C5: variants seen among roughly 807,000 people sequenced by gnomAD.
The protein encoded by C5 is complement C5.
Under a neutral mutation model 218.8 loss-of-function variants are expected in C5, and 140 were observed. That is an observed-to-expected ratio of 0.64 (90% confidence interval 0.56 to 0.74). The LOEUF (loss-of-function observed/expected upper bound fraction) is 0.74. Among genes scored for constraint, C5 ranks in the 30% least tolerant of loss-of-function variants. The pLI, the probability that C5 is intolerant of heterozygous loss-of-function variation, is 0.00. For synonymous variants in C5, 614 were observed against 682.3 expected (o/e 0.90, Z 1.56); for missense variants, 1,700 against 1,969.6 (o/e 0.86, Z 2.59).
At chr9:121,069,250 A>G in the C5 span, among the ~76,000 whole-genome samples, 1 of 152,346 alleles carries the variant, frequency 6.6e-6, no homozygotes, top group Admixed American at 6.5e-5. Context: ...AACTATTCAT[A>G]TAACAGGGAA....
At chr9:120,989,364 C>T (rs756737785) in intron 24 of C5, among the ~76,000 whole-genome samples, 2 of 152,126 alleles carry the variant, frequency 1.3e-5, no homozygotes, top group Non-Finnish European at 1.5e-5. Flanking sequence ...AATGCAGGTG[C>T]CTTGCCTCTC....
intron 22 of C5, 28 bp downstream of exon 22, chr9:120,996,212 A>T: frequency 6.7e-7 from 1 of 1,486,574 alleles, no homozygotes; most frequent in Non-Finnish European, 9.4e-7. Context: ...AAAAGATAAC[A>T]TATAAAATAA....
the C5 span, among the ~76,000 whole-genome samples, chr9:121,072,363 G>A: frequency 2.2e-4 from 34 of 152,260 alleles, no homozygotes; most frequent in East Asian, 6.4e-3. Context: ...CAGACTTTGA[G>A]GGACACAGCA....
At chr9:120,957,145 C>T (rs1177664892) in intron 39 of C5, 140 bp downstream of exon 39, 5 of 654,280 alleles carry the variant, frequency 7.6e-6, no homozygotes, top group African/African-American at 7.2e-5. Context: ...ATGTTTCTCC[C>T]CAAGTAGAAT....
At chr9:120,984,216 TG>T (rs201724842) in intron 25 of C5, among the ~76,000 whole-genome samples, 1,611 of 147,306 alleles carry the variant, frequency 0.011, 42 homozygotes, top group Admixed American at 0.056. Flanking sequence ...ATTTTTTTTT[TG>T]ATATTAATCG....
intron 26 of C5, 35 bp from the exon 27 acceptor site, chr9:120,981,974 A>G (rs41260544): frequency 0.083 from 119,827 of 1,440,842 alleles, 5,566 homozygotes; most frequent in Non-Finnish European, 0.094. Flanking sequence ...GGGGAGTGAA[A>G]TGGTGTCTTT....
chr9:120,990,670 C>G (rs1034072472), intron 23 of C5, among the ~76,000 whole-genome samples: 1 of 152,168 alleles, frequency 6.6e-6, no homozygotes, highest in Non-Finnish European at 1.5e-5. Context: ...TGCCAAACAC[C>G]CAATCTCTTG....
chr9:120,989,642 G>T lies in C5; in HGVS notation c.3080C>A (p.Thr1027Lys), dbSNP rs1040638839. The part of the protein sequence containing the change: ...PVFYVFHYLE[T>K]GNHWNIFHSD... ...ATGAAAAATGTTCCAATGATTTCCT[G>T]TTTCCAGGTAGTGAAAAACATAGAA... Residue 1027 changes from threonine (T) to lysine (K), a missense_variant, in exon 24 of 41, where the codon ACA (threonine) becomes AAA (lysine). Coordinates refer to ENST00000223642, the MANE Select transcript of C5 (RefSeq NM_001735.3). The T allele has an allele frequency of 5.6e-6, 9 of 1,612,718 alleles. No homozygotes were observed. Among genetic ancestry groups the T allele is most frequent in the Non-Finnish European group, 7.6e-6 (9 of 1,179,594 alleles).
chr9:120,988,300 T>C (rs1425758018), intron 25 of C5, among the ~76,000 whole-genome samples: 1 of 152,198 alleles, frequency 6.6e-6, no homozygotes, highest in Non-Finnish European at 1.5e-5. Flanking sequence ...AATAGTGGAA[T>C]AAGCAAGAAC....
intron 4 of C5, among the ~76,000 whole-genome samples, chr9:121,035,900 G>T (rs986550255): frequency 5.3e-5 from 8 of 151,936 alleles, no homozygotes; most frequent in African/African-American, 1.7e-4. Context: ...TGTTTAAAGA[G>T]TTAGCAGGGT....
Position 120,969,088 on chromosome 9 carries a change from T to C in C5, c.4193A>G (p.Asp1398Gly), listed in dbSNP as rs1479714196. Residue 1398 changes from aspartate (D) to glycine (G), a missense_variant, in exon 33 of 41, where the codon GAT (aspartate) becomes GGT (glycine). Asp to Gly is a moderately conservative substitution (Grantham distance 94). Coordinates refer to ENST00000223642, the MANE Select transcript of C5 (RefSeq NM_001735.3). ...ASHYRGYGNSDYKRIVACASY... is the reference protein window; with the variant it reads ...ASHYRGYGNSGYKRIVACASY... Reference sequence around the variant, plus strand: ...GGCACATGCTACTATGCGTTTGTAATCAGAGTTTCCGTAGCCTCTGTAGTG... The same window carrying C: ...GGCACATGCTACTATGCGTTTGTAACCAGAGTTTCCGTAGCCTCTGTAGTG... 6.2e-7 allele frequency: 1 copy of C among 1,614,062 alleles called. No homozygotes were observed. Among genetic ancestry groups the C allele is most frequent in the African/African-American group, 1.3e-5 (1 of 75,050 alleles).
At chr9:121,048,635 C>A (rs2047648244) in intron 1 of C5, among the ~76,000 whole-genome samples, 1 of 152,144 alleles carries the variant, frequency 6.6e-6, no homozygotes, top group African/African-American at 2.4e-5. Context: ...TGTTTAGAAG[C>A]CCCTAAAAGA....
chr9:121,052,665 G>A (rs2047678582), upstream of C5, among the ~76,000 whole-genome samples: 1 of 151,858 alleles, frequency 6.6e-6, no homozygotes. Context: ...AGTGCACCAG[G>A]CCCCTCTTGA....
chr9:120,955,429 A>G (rs1176039830), intron 39 of C5, among the ~76,000 whole-genome samples: 1 of 152,248 alleles, frequency 6.6e-6, no homozygotes, highest in Non-Finnish European at 1.5e-5. Context: ...TGCAAGAATC[A>G]GTATCAAATA....
chr9:121,061,826 A>G, the C5 span, among the ~76,000 whole-genome samples: 1 of 152,216 alleles, frequency 6.6e-6, no homozygotes, highest in Non-Finnish European at 1.5e-5. Context: ...TTATGCACAA[A>G]ACTAGCTCAG....
intron 23 of C5, 56 bp from the exon 24 acceptor site, chr9:120,989,836 T>C (rs1380331212): frequency 9.5e-6 from 13 of 1,371,662 alleles, no homozygotes; most frequent in East Asian, 2.3e-5. Flanking sequence ...TCTAACAGTA[T>C]GTTCTCAAGA....
rs748535706 is a variant in C5, at chr9:120,969,142, AACAG to A, written c.4163-28_4163-25del. 6.2e-6 allele frequency: 10 copies of A among 1,604,044 alleles called. No individual in the cohort carries two copies. The East Asian group carries it at 1.6e-4, about 25-fold the overall frequency. ...TGCTGGCACATAAGACAAGAAAACA[AACAG>A]ACAAATATAAGAGTAAACTGTTTTC... On this transcript the variant is annotated intron_variant, in intron 32 of 40. Coordinates refer to ENST00000223642, the MANE Select transcript of C5 (RefSeq NM_001735.3).
At chr9:121,006,151 A>T in intron 19 of C5, 93 bp from the exon 20 acceptor site, 1 of 1,267,674 alleles carries the variant, frequency 7.9e-7, no homozygotes, top group South Asian at 1.2e-5. Context: ...GCTTTACTTC[A>T]AGGAAAAAAT....
chr9:121,074,787 C>T, the C5 span: 2 of 454,650 alleles, frequency 4.4e-6, no homozygotes, highest in Non-Finnish European at 8.8e-6. Flanking sequence ...GGCACCGCAT[C>T]CCGTCGGCCC....
Sources: gnomAD v4.1 joint callset for allele counts (sites outside exome capture counted in the v4.1 genomes callset) on GRCh38, gnomAD v4.1.1 for gene constraint, MANE v1.5 for transcripts, NCBI Gene and HGNC (gene_info 2026-07-23, HGNC 2026-07-21) for gene names.